DFFB: variants seen among roughly 807,000 people sequenced by gnomAD.
DFFB encodes DNA fragmentation factor 40 kDa subunit.
A neutral mutation model predicts 32.7 loss-of-function variants in DFFB; 29 were observed. The observed-to-expected ratio is 0.89, with a 90% CI of 0.66 to 1.21. The LOEUF (loss-of-function observed/expected upper bound fraction) is 1.21. Ranked by LOEUF, DFFB falls within the 50% of genes most tolerant of loss-of-function variation. DFFB has a pLI of 0.00. For missense variants in DFFB, 398 were observed against 440.6 expected, an observed-to-expected ratio of 0.90 and a Z score of 0.87; for synonymous variants, 170 against 177.1, an observed-to-expected ratio of 0.96 and a Z score of 0.32.
Position 3,858,705 on chromosome 1 carries a change from C to G in DFFB, c.115-13C>G, listed in dbSNP as rs920264907. 6.2e-7 allele frequency: 1 copy of G among 1,612,784 alleles called. No individual in the cohort carries two copies. Among genetic ancestry groups the G allele is most frequent in the Non-Finnish European group, 8.5e-7 (1 of 1,179,448 alleles). On this transcript the variant is annotated splice_polypyrimidine_tract_variant and intron_variant, in intron 1 of 6. Coordinates refer to ENST00000378209, the MANE Select transcript of DFFB (RefSeq NM_004402.4). ...GACCCTTCCTCCTCCTGTTGCTTCT[C>G]CCGTCCCTGCAGCTCCCTGAGCGCG... is the stretch of plus-strand genomic sequence containing the variant.
rs1645024695 is a variant in DFFB at position 3,868,332 on chromosome 1, C to T, written c.510+279C>T. On this transcript the variant is annotated intron_variant, in intron 4 of 6. Transcript: ENST00000378209. ...TCCTGCCTGCCTCCCCTCCTCTCCT[C>T]CTCTCCCCCCGAGGCTTCTTCCTGG... Among the ~76,000 whole-genome samples the T allele has an allele frequency of 2.0e-5, 3 of 152,050 alleles. No homozygotes were observed. In the South Asian group the frequency reaches 6.2e-4, roughly 31 times the overall value.
intron 2 of DFFB, among the ~76,000 whole-genome samples, chr1:3,859,213 G>A (rs1644831427): frequency 2.0e-5 from 3 of 152,166 alleles, no homozygotes; most frequent in Admixed American, 2.0e-4. Flanking sequence ...GTTCTGCTGG[G>A]CTGAGCACCC....
Position 3,883,777 on chromosome 1 carries a change from C to T in DFFB, c.*36C>T. 6.4e-7 allele frequency: 1 copy of T among 1,569,430 alleles called. No individual in the cohort carries two copies. Among genetic ancestry groups the T allele is most frequent in the Non-Finnish European group, 8.7e-7 (1 of 1,145,482 alleles). ...CCACGTCCTGGTCTTTGTTTGAGGC[C>T]TGACGTGGGCATCATTTTAACAGGT... On this transcript the variant is annotated 3_prime_UTR_variant, in exon 7 of 7. Coordinates refer to ENST00000378209, the MANE Select transcript of DFFB (RefSeq NM_004402.4).
chr1:3,865,740 G>A lies in DFFB; in HGVS notation c.242-72G>A. 3.1e-6 allele frequency: 5 copies of A among 1,611,400 alleles called. No individual in the cohort carries two copies. Among genetic ancestry groups the A allele is most frequent in the Non-Finnish European group, 4.2e-6 (5 of 1,177,592 alleles). ...GGAATGGGGGAAGATGTGGTCAGAG[G>A]CTCTTCTTGTGACCGGGGCAGGATG... is the stretch of plus-strand genomic sequence containing the variant. On this transcript the variant is annotated intron_variant, in intron 2 of 6. Transcript: ENST00000378209. This position sits in a 1 kb window ranked among gnomAD's most constrained non-coding sequence, Gnocchi z 4.7.
chr1:3,857,790 C>T (rs1290806889), intron 1 of DFFB, 73 bp downstream of exon 1: 13 of 1,145,766 alleles, frequency 1.1e-5, no homozygotes, highest in Non-Finnish European at 1.4e-5. Context: ...CGCTTTTCCT[C>T]TTCCAAAACG....
chr1:3,883,490 C>G lies in DFFB; in HGVS notation c.783-17C>G, dbSNP rs12086722. 3.3e-3 allele frequency: 5,270 copies of G among 1,611,906 alleles called. 172 individuals carry two copies. In the African/African-American group the frequency reaches 0.063, roughly 19 times the overall value. ...ACTGTGACCACAGAAAATGATGTCT[C>G]TAACCTTACTTTGCAGAATAGAAAA... On this transcript the variant is annotated splice_polypyrimidine_tract_variant and intron_variant, in intron 6 of 6. Coordinates refer to ENST00000378209, the MANE Select transcript of DFFB (RefSeq NM_004402.4).
At position 3,865,735 on chromosome 1, in the gene DFFB, C is replaced by A; in HGVS notation, c.242-77C>A. On this transcript the variant is annotated intron_variant, in intron 2 of 6. Transcript: ENST00000378209. This position sits in a 1 kb window ranked among gnomAD's most constrained non-coding sequence, Gnocchi z 4.7. The stretch of plus-strand genomic sequence containing the variant: ...CCTGGGGAATGGGGGAAGATGTGGT[C>A]AGAGGCTCTTCTTGTGACCGGGGCA... The A allele has an allele frequency of 1.2e-6, 2 of 1,610,036 alleles. No homozygotes were observed. Among genetic ancestry groups the A allele is most frequent in the South Asian group, 2.2e-5 (2 of 90,924 alleles).
At chr1:3,875,886 T>C (rs12757805) in intron 6 of DFFB, among the ~76,000 whole-genome samples, 26,326 of 152,088 alleles carry the variant, frequency 0.17, 2,331 homozygotes, top group African/African-American at 0.23. Flanking sequence ...AAGCGATTCT[T>C]CTGCCTCAGC....
Position 3,859,273 on chromosome 1 carries a change from G to A in DFFB, c.241+429G>A, listed in dbSNP as rs553886053. Among the ~76,000 whole-genome samples, 525 of 152,170 alleles carry A rather than the reference G, an allele frequency of 3.5e-3. 1 individual carries two copies. Among genetic ancestry groups the A allele is most frequent in the Non-Finnish European group, 6.2e-3 (424 of 68,010 alleles). ...CGTGGGATGCTCTCACATTGTTCTC[G>A]GTTGGTGTTTGCTAAGATGCTGTCC... On this transcript the variant is annotated intron_variant, in intron 2 of 6. Coordinates refer to ENST00000378209, the MANE Select transcript of DFFB (RefSeq NM_004402.4).
chr1:3,863,733 C>G (rs1644921250), intron 2 of DFFB, among the ~76,000 whole-genome samples: 1 of 152,080 alleles, frequency 6.6e-6, no homozygotes, highest in Admixed American at 6.6e-5. Context: ...GTCAAGAAGC[C>G]TGCACATACA....
At chr1:3,879,591 G>T (rs1462619050) in intron 6 of DFFB, among the ~76,000 whole-genome samples, 1 of 152,184 alleles carries the variant, frequency 6.6e-6, no homozygotes, top group African/African-American at 2.4e-5. Context: ...CCATCTACCA[G>T]CCAGGAGGAG....
At position 3,877,328 on chromosome 1, in the gene DFFB, G is replaced by GTTTTTT. The variant is rs5772128; in HGVS notation, c.782+4770_782+4775dup. On this transcript the variant is annotated intron_variant, in intron 6 of 6. Coordinates refer to ENST00000378209, the MANE Select transcript of DFFB (RefSeq NM_004402.4). ...GCATGAGTTGTGTCTTGGGAGTTCA[G>GTTTTTT]TTTTTTTTTTTTTTTTTTTGAGGCA... is the stretch of plus-strand genomic sequence containing the variant. 1.2e-3 allele frequency among the ~76,000 whole-genome samples: 139 copies of GTTTTTT among 113,884 alleles called. 12 individuals are homozygous for GTTTTTT. Among genetic ancestry groups the GTTTTTT allele is most frequent in the African/African-American group, 2.0e-3 (55 of 27,940 alleles). The allele number at this position is 113,884 out of a possible 152,430, so 74.7% of individuals were successfully genotyped here.
At chr1:3,867,884 C>A in intron 3 of DFFB, 90 bp from the exon 4 acceptor site, 1 of 1,141,168 alleles carries the variant, frequency 8.8e-7, no homozygotes, top group African/African-American at 1.5e-5. Context: ...TCATATTCTG[C>A]CCTGCTTGGC....
intron 5 of DFFB, among the ~76,000 whole-genome samples, chr1:3,871,049 G>C (rs545217025): frequency 1.3e-5 from 2 of 152,340 alleles, no homozygotes; most frequent in East Asian, 1.9e-4. Context: ...GAAACATCAG[G>C]AAGCCGCGGG....
chr1:3,883,523 A>G lies in DFFB; in HGVS notation c.799A>G (p.Thr267Ala). 6.2e-7 allele frequency: 1 copy of G among 1,614,130 alleles called. No homozygotes were observed. Among genetic ancestry groups the G allele is most frequent in the Non-Finnish European group, 8.5e-7 (1 of 1,180,030 alleles). The change falls in exon 7 of 7, where the codon ACC (threonine) becomes GCC (alanine). Residue 267 changes from threonine (T) to alanine (A), a missense_variant. Physicochemically the swap from Thr to Ala is moderately conservative, Grantham distance 58 (BLOSUM62 0). Transcript: ENST00000378209. ...ACTTTGCAGAATAGAAAAGAAACGCACCATCATTCCTACACTGGTGGAAGC... is the reference window on the plus strand; with the variant it reads ...ACTTTGCAGAATAGAAAAGAAACGCGCCATCATTCCTACACTGGTGGAAGC... ...NLDHIIEKKR[T>A]IIPTLVEAIK...
intron 2 of DFFB, among the ~76,000 whole-genome samples, chr1:3,859,909 C>T (rs1422851815): frequency 6.6e-6 from 1 of 152,056 alleles, no homozygotes; most frequent in Admixed American, 6.6e-5. Flanking sequence ...GCACGTTGCT[C>T]TCTCTCTGTC....
Position 3,872,539 on chromosome 1 carries a change from G to C in DFFB, c.749G>C (p.Arg250Thr). The change falls in exon 6 of 7, where the codon AGG becomes ACG. Residue 250 changes from arginine to threonine, a missense_variant. By Grantham distance (71) the Arg-to-Thr change is moderately conservative. Transcript: ENST00000378209. ...SINPYSNRES[R>T]ILFSTWNLDH... is the part of the protein sequence containing the mutation. ...AACCCCTACAGTAACAGGGAGAGCA[G>C]GATCCTCTTCAGCACCTGGAACCTG... 1.2e-6 allele frequency: 2 copies of C among 1,614,128 alleles called. No homozygotes were observed. Among genetic ancestry groups the C allele is most frequent in the Non-Finnish European group, 1.7e-6 (2 of 1,180,012 alleles).
intron 5 of DFFB, 46 bp from the exon 6 acceptor site, chr1:3,872,426 A>C: frequency 6.9e-7 from 1 of 1,452,272 alleles, no homozygotes. Flanking sequence ...AAAAAAAAAA[A>C]AGAGACTCAC....
chr1:3,881,331 A>C (rs775224592), intron 6 of DFFB, among the ~76,000 whole-genome samples: 1 of 152,238 alleles, frequency 6.6e-6, no homozygotes, highest in Non-Finnish European at 1.5e-5. Flanking sequence ...GCAGCATTAG[A>C]TAACGGGCTC....
Sources: gnomAD v4.1 joint callset for allele counts (sites outside exome capture counted in the v4.1 genomes callset) on GRCh38, gnomAD v4.1.1 for gene constraint, Gnocchi (gnomAD v3.1) non-coding constraint, MANE v1.5 for transcripts, NCBI Gene and HGNC (gene_info 2026-07-23, HGNC 2026-07-21) for gene names.